The following FKBP14 variants were observed in gnomAD, a reference collection of about 807,000 sequenced individuals.
FKBP14 encodes the protein FKBP prolyl isomerase 14, also known as peptidyl-prolyl cis-trans isomerase FKBP14.
Under a neutral mutation model 21.6 loss-of-function variants are expected in FKBP14, and 20 were observed. The observed-to-expected ratio is 0.92, with a 90% CI of 0.65 to 1.34. The LOEUF is 1.34. Among genes scored for constraint, FKBP14 ranks in the 40% most tolerant of loss-of-function variants. The pLI is 0.00. For missense variants in FKBP14, 253 were observed against 249.0 expected (o/e 1.02, Z -0.11); for synonymous variants, 79 against 86.7 (o/e 0.91, Z 0.49).
At chr7:30,006,227 T>G (rs1206732666), downstream of FKBP14, among the ~76,000 whole-genome samples, 1 of 149,630 alleles carries the variant, frequency 6.7e-6, no homozygotes, top group Non-Finnish European at 1.5e-5. Flanking sequence ...GCTCAAGCAA[T>G]CTTCCCATCT....
chr7:30,016,758 A>G (rs1160387726), intron 3 of FKBP14, among the ~76,000 whole-genome samples: 1 of 152,180 alleles, frequency 6.6e-6, no homozygotes, highest in African/African-American at 2.4e-5. Context: ...CACAAGATTC[A>G]CCACAATGAA....
In FKBP14 at chr7:30,011,568, ATATATG is replaced by A. The variant is rs1789732996; in HGVS notation, c.*3161_*3166del. ...TATATACTATATATATATATACCAT[ATATATG>A]GTATATATATATATATAGTATATAT... On this transcript the variant is annotated 3_prime_UTR_variant, in exon 4 of 4. Coordinates refer to ENST00000222803, the MANE Select transcript of FKBP14 (RefSeq NM_017946.4). 7.2e-6 allele frequency: 1 copy of A among 139,162 alleles called. No homozygotes were observed. Among genetic ancestry groups the A allele is most frequent in the African/African-American group, 2.7e-5 (1 of 36,896 alleles). 8.6% of individuals were successfully genotyped at this position (139,162 alleles called of 1,614,324 possible).
rs956013387 is a variant in FKBP14, at chr7:30,013,221, A to G, written c.*1514T>C. The G allele has an allele frequency of 6.6e-6, 1 of 151,634 alleles. No homozygotes were observed. The highest frequency in any genetic ancestry group is 2.4e-5 in the African/African-American group (1 of 41,314). The allele number at this position is 151,634 out of a possible 1,614,324, so 9.4% of individuals were successfully genotyped here. On this transcript the variant is annotated 3_prime_UTR_variant, in exon 4 of 4. Coordinates refer to ENST00000222803, the MANE Select transcript of FKBP14 (RefSeq NM_017946.4). ...TTCTTTTTTAAAATCCAGGATAGGT[A>G]TTTATTCAATAGTAGCTGCTGTAGG... is the stretch of plus-strand genomic sequence containing the variant.
rs142423230 is a variant in FKBP14, at chr7:30,026,435, G to C, written c.74C>G (p.Pro25Arg). 54 of 1,614,016 alleles carry C rather than the reference G, an allele frequency of 3.3e-5. No individual in the cohort carries two copies. Among genetic ancestry groups the C allele is most frequent in the Non-Finnish European group, 4.3e-5 (51 of 1,179,992 alleles). The part of the protein sequence containing the change: ...TSLIGALIPE[P>R]EVKIEVLQKP... ...CTGGAGAACTTCAATTTTCACTTCT[G>C]GTTCAGGGATCAAAGCCCCAATCAA... Residue 25 changes from proline to arginine, a missense_variant, in exon 1 of 4, where the codon CCA becomes CGA. Pro to Arg is a moderately radical substitution (Grantham distance 103, BLOSUM62 -2). Transcript: ENST00000222803.
Position 30,026,424 on chromosome 7 carries a change from T to G in FKBP14, c.85A>C (p.Ile29Leu). ...ATGAATGGCTTCTGGAGAACTTCAATTTTCACTTCTGGTTCAGGGATCAAA... is the reference window on the plus strand; with the variant it reads ...ATGAATGGCTTCTGGAGAACTTCAAGTTTCACTTCTGGTTCAGGGATCAAA... ...GALIPEPEVKIEVLQKPFICH... is the reference protein window; with the variant it reads ...GALIPEPEVKLEVLQKPFICH... The change falls in exon 1 of 4, where the codon ATT becomes CTT. Residue 29 changes from isoleucine to leucine, a missense_variant. Ile to Leu is a conservative substitution (Grantham distance 5). Coordinates refer to ENST00000222803, the MANE Select transcript of FKBP14 (RefSeq NM_017946.4). 6.2e-7 allele frequency: 1 copy of G among 1,614,168 alleles called. No homozygotes were observed. The highest frequency in any genetic ancestry group is 1.3e-5 in the African/African-American group (1 of 75,040).
At chr7:30,007,290 A>G (rs1276488397), downstream of FKBP14, among the ~76,000 whole-genome samples, 1 of 149,526 alleles carries the variant, frequency 6.7e-6, no homozygotes, top group African/African-American at 2.5e-5. Flanking sequence ...GCTCACTGCA[A>G]CCTCCACCTC....
intron 2 of FKBP14, chr7:30,022,449 C>A: frequency 2.3e-6 from 1 of 441,464 alleles, no homozygotes; most frequent in Non-Finnish European, 4.0e-6. Context: ...CCTCAATGTT[C>A]TTTTTTTATT....
downstream of FKBP14, among the ~76,000 whole-genome samples, chr7:30,006,480 G>T (rs1436273978): frequency 6.6e-6 from 1 of 151,560 alleles, no homozygotes; most frequent in Non-Finnish European, 1.5e-5. Flanking sequence ...TCTTCTACAG[G>T]GGTGTGTTGC....
chr7:30,011,533 A>C lies in FKBP14; in HGVS notation c.*3202T>G, dbSNP rs1182750533. ...ATACCATATATATATATATACACAC[A>C]CCATATATATATATACTATATATAT... On this transcript the variant is annotated 3_prime_UTR_variant, in exon 4 of 4. Transcript: ENST00000222803. The C allele has an allele frequency of 7.0e-6, 1 of 143,834 alleles. No individual in the cohort carries two copies. The highest frequency in any genetic ancestry group is 1.5e-5 in the Non-Finnish European group (1 of 66,504). 8.9% of individuals were successfully genotyped at this position (143,834 alleles called of 1,614,324 possible).
intron 3 of FKBP14, among the ~76,000 whole-genome samples, chr7:30,015,468 C>A (rs903976084): frequency 1.0e-4 from 15 of 150,320 alleles, no homozygotes; most frequent in African/African-American, 3.4e-4. Flanking sequence ...ATAGCTCTCT[C>A]TATATATATA....
intron 1 of FKBP14, among the ~76,000 whole-genome samples, chr7:30,025,165 A>T (rs1297578951): frequency 6.6e-6 from 1 of 152,140 alleles, no homozygotes; most frequent in Non-Finnish European, 1.5e-5. Context: ...TACTGTTTTA[A>T]TTCATGTTAT....
At chr7:30,009,293 C>T (rs1382932143), downstream of FKBP14, among the ~76,000 whole-genome samples, 1 of 150,104 alleles carries the variant, frequency 6.7e-6, no homozygotes, top group Non-Finnish European at 1.5e-5. Context: ...AATGTAGTAG[C>T]ACAATTTTGG....
downstream of FKBP14, among the ~76,000 whole-genome samples, chr7:30,007,219 T>G (rs1168111073): frequency 6.6e-6 from 1 of 151,662 alleles, no homozygotes; most frequent in African/African-American, 2.4e-5. Flanking sequence ...TTGTTTTTTT[T>G]TTTTTTTTTT....
chr7:30,019,244 A>T, intron 2 of FKBP14, 121 bp from the exon 3 acceptor site: 1 of 898,146 alleles, frequency 1.1e-6, no homozygotes. Flanking sequence ...TAAGATTGTC[A>T]TATATGATGA....
chr7:30,021,463 T>C (rs1416414473), intron 2 of FKBP14, among the ~76,000 whole-genome samples: 1 of 152,194 alleles, frequency 6.6e-6, no homozygotes, highest in Admixed American at 6.5e-5. Flanking sequence ...AATGCAATTA[T>C]GGACATCCCT....
At position 30,026,480 on chromosome 7, in the gene FKBP14, A is replaced by G. The variant is rs1790180248; in HGVS notation, c.29T>C (p.Leu10Ser). 6.2e-7 allele frequency: 1 copy of G among 1,612,782 alleles called. No individual in the cohort carries two copies. The highest frequency in any genetic ancestry group is 1.3e-5 in the African/African-American group (1 of 74,820). The change falls in exon 1 of 4, where the codon TTG (leucine) becomes TCG (serine). Residue 10 changes from leucine (L) to serine (S), a missense_variant. By Grantham distance (145) the Leu-to-Ser change is moderately radical. Transcript: ENST00000222803. Reference sequence around the variant, plus strand: ...AATCAAAGAAGTGACGAACAGAGTCAAGACCGCGTTCCACAAGAAAAGCCT... The same window carrying G: ...AATCAAAGAAGTGACGAACAGAGTCGAGACCGCGTTCCACAAGAAAAGCCT... Reference protein sequence around the residue: MRLFLWNAVLTLFVTSLIGA... With the variant: MRLFLWNAVSTLFVTSLIGA...
downstream of FKBP14, among the ~76,000 whole-genome samples, chr7:30,009,288 A>G (rs969670051): frequency 3.4e-5 from 5 of 148,702 alleles, no homozygotes; most frequent in African/African-American, 1.2e-4. Context: ...GCTGGAATGT[A>G]GTAGCACAAT....
Position 30,019,051 on chromosome 7 carries a change from T to C in FKBP14, c.422A>G (p.His141Arg). The C allele has an allele frequency of 6.2e-7, 1 of 1,602,670 alleles. No homozygotes were observed. ...LLEIRNGPRSHESFQEMDLND... is the reference protein window; with the variant it reads ...LLEIRNGPRSRESFQEMDLND... ...AAGATCCATTTCTTGGAATGATTCA[T>C]GGGATCTTGGTCCATTTCGAATCTC... is the stretch of plus-strand genomic sequence containing the variant. The change falls in exon 3 of 4, where the codon CAT becomes CGT. Residue 141 changes from histidine to arginine, a missense_variant. Coordinates refer to ENST00000222803, the MANE Select transcript of FKBP14 (RefSeq NM_017946.4).
chr7:30,025,392 G>A (rs1790146558), intron 1 of FKBP14: 1 of 152,212 alleles, frequency 6.6e-6, no homozygotes, highest in Non-Finnish European at 1.5e-5. Context: ...TGTAGATGGT[G>A]TATACTGTTA....
Sources: gnomAD v4.1 joint callset for allele counts (sites outside exome capture counted in the v4.1 genomes callset) on GRCh38, gnomAD v4.1.1 for gene constraint, MANE v1.5 for transcripts, NCBI Gene and HGNC (gene_info 2026-07-23, HGNC 2026-07-21) for gene names.